Variants in SLC38A8 observed in about 807,000 individuals in gnomAD.
SLC38A8 encodes the protein solute carrier family 38 member 8.
A neutral mutation model predicts 46.0 loss-of-function variants in SLC38A8; 65 were observed. The observed-to-expected ratio is 1.41, with a 90% CI of 1.16 to 1.74. The LOEUF is 1.74. Among genes scored for constraint, SLC38A8 ranks in the 40% most tolerant of loss-of-function variants. The pLI, the probability that SLC38A8 is intolerant of heterozygous loss-of-function variation, is 0.00. For synonymous variants in SLC38A8, 447 were observed against 243.7 expected (o/e 1.83, Z -7.77); for missense variants, 998 against 567.9 (o/e 1.76, Z -7.70).
chr16:84,025,859 C>T (rs2085158114), intron 6 of SLC38A8, among the ~76,000 whole-genome samples: 1 of 152,250 alleles, frequency 6.6e-6, no homozygotes, highest in Non-Finnish European at 1.5e-5. Context: ...CGCACCCCTG[C>T]TCTCTGGCCC....
intron 7 of SLC38A8, among the ~76,000 whole-genome samples, chr16:84,021,125 C>A (rs960917871): frequency 2.0e-5 from 3 of 152,096 alleles, no homozygotes; most frequent in Non-Finnish European, 4.4e-5. Flanking sequence ...TGCAATGGTG[C>A]GATCTCAGCT....
chr16:84,017,353 C>A (rs2085042792), intron 7 of SLC38A8, 66 bp from the exon 8 acceptor site: 1 of 1,576,076 alleles, frequency 6.3e-7, no homozygotes, highest in Admixed American at 1.8e-5. Flanking sequence ...CCCCCACCAA[C>A]AGACAGACAG....
intron 5 of SLC38A8, 100 bp from the exon 6 acceptor site, chr16:84,029,651 C>T (rs562054823): frequency 5.2e-6 from 6 of 1,151,048 alleles, no homozygotes; most frequent in Non-Finnish European, 7.6e-6. Context: ...GAAAATGTAA[C>T]AGAGCATGGC....
intron 3 of SLC38A8, 24 bp downstream of exon 3, chr16:84,036,678 C>T (rs756438746): frequency 1.9e-6 from 3 of 1,613,270 alleles, no homozygotes; most frequent in African/African-American, 1.3e-5. Context: ...CCTGGGCCAC[C>T]CCGAGTCCCA....
intron 3 of SLC38A8, among the ~76,000 whole-genome samples, chr16:84,033,916 A>G (rs535101832): frequency 6.6e-6 from 1 of 151,608 alleles, no homozygotes; most frequent in African/African-American, 2.4e-5. Flanking sequence ...AGCAGAACAC[A>G]TGACCCCAAA....
intron 6 of SLC38A8, among the ~76,000 whole-genome samples, chr16:84,026,479 G>A (rs574437757): frequency 3.3e-5 from 5 of 152,290 alleles, no homozygotes; most frequent in South Asian, 2.1e-4. Context: ...CACCCGCCTC[G>A]GCCTCTTAAA....
At chr16:84,042,188 GCA>G (rs772453982) in intron 1 of SLC38A8, 29 bp from the exon 2 acceptor site, 29 of 1,583,868 alleles carry the variant, frequency 1.8e-5, no homozygotes, top group African/African-American at 6.8e-5. Context: ...TGGAGAGAAA[GCA>G]CAGTCTTCAC....
At chr16:84,030,967 C>A (rs2085231142) in intron 5 of SLC38A8, among the ~76,000 whole-genome samples, 1 of 152,202 alleles carries the variant, frequency 6.6e-6, no homozygotes, top group Non-Finnish European at 1.5e-5. Context: ...AGGCAGAGGC[C>A]TCCCACTTGG....
chr16:84,017,280 A>AT lies in SLC38A8; in HGVS notation c.812dup (p.Tyr271Ter). ...CTTCTGTCCCAAAAGTCAGGAAGCC[A>AT]TAAACCCCTGAAGGTGGGAAAGGAT... is the stretch of plus-strand genomic sequence containing the variant. ...CCLIYSLTGV[Y>*]GFLTFGTEVS... The change falls in exon 8 of 11, where the codon TAT becomes TAAT. Residue 271 changes from tyrosine to a stop codon, truncating the protein, a stop_gained and frameshift_variant. Transcript: ENST00000299709. LOFTEE classifies it high-confidence loss of function. 5 of 1,614,112 alleles carry AT rather than the reference A, an allele frequency of 3.1e-6. No homozygotes were observed. The highest frequency in any genetic ancestry group is 4.2e-6 in the Non-Finnish European group (5 of 1,180,032).
intron 2 of SLC38A8, chr16:84,039,772 A>AGGGGAAGGTGTGGG (rs1246889407): frequency 7.1e-5 from 5 of 70,914 alleles, no homozygotes; most frequent in Admixed American, 1.4e-4. Flanking sequence ...AAAAAAAGGC[A>AGGGGAAGGTGTGGG]GGGGAAGGTG....
intron 6 of SLC38A8, among the ~76,000 whole-genome samples, chr16:84,027,343 G>A (rs938509468): frequency 6.6e-6 from 1 of 151,080 alleles, no homozygotes; most frequent in East Asian, 1.9e-4. Context: ...GAGCAAGTCT[G>A]CCACAAAAGC....
chr16:84,023,056 C>T (rs11861366), intron 6 of SLC38A8, among the ~76,000 whole-genome samples, 167 bp from the exon 7 acceptor site: 34,140 of 152,066 alleles, frequency 0.22, 4,110 homozygotes, highest in African/African-American at 0.3. Flanking sequence ...CCCAACCCCT[C>T]TTTCCTTTTC....
At chr16:84,029,944 C>T (rs2085218667) in intron 5 of SLC38A8, among the ~76,000 whole-genome samples, 1 of 152,202 alleles carries the variant, frequency 6.6e-6, no homozygotes, top group Non-Finnish European at 1.5e-5. Context: ...GAGCTCTGTC[C>T]AAGCCACCTA....
chr16:84,024,269 G>C (rs931517741), intron 6 of SLC38A8, among the ~76,000 whole-genome samples: 4 of 152,176 alleles, frequency 2.6e-5, no homozygotes, highest in Non-Finnish European at 4.4e-5. Flanking sequence ...GGGGTTCCCG[G>C]GGGCTTGACC....
intron 6 of SLC38A8, among the ~76,000 whole-genome samples, chr16:84,024,586 G>C (rs2085138998): frequency 6.6e-6 from 1 of 151,958 alleles, no homozygotes; most frequent in African/African-American, 2.4e-5. Flanking sequence ...TTCGAGACCA[G>C]CCTGGCCAAC....
chr16:84,019,529 G>A (rs1009524801), intron 7 of SLC38A8, among the ~76,000 whole-genome samples: 7 of 152,180 alleles, frequency 4.6e-5, no homozygotes, highest in African/African-American at 1.7e-4. Flanking sequence ...CTGCCATACT[G>A]GCAATTTAAT....
intron 6 of SLC38A8, among the ~76,000 whole-genome samples, chr16:84,028,966 C>G (rs935281026): frequency 7.2e-5 from 11 of 152,162 alleles, no homozygotes; most frequent in Non-Finnish European, 7.4e-5. Flanking sequence ...CCATGACATT[C>G]TATTAAAAAT....
At chr16:84,031,118 G>A (rs1597270506) in intron 5 of SLC38A8, among the ~76,000 whole-genome samples, 1 of 152,050 alleles carries the variant, frequency 6.6e-6, no homozygotes, top group Admixed American at 6.6e-5. Flanking sequence ...TCGGCTCACT[G>A]CAACCTCTGC....
intron 10 of SLC38A8, among the ~76,000 whole-genome samples, chr16:84,011,970 A>T (rs2084959486): frequency 6.6e-6 from 1 of 152,188 alleles, no homozygotes; most frequent in Admixed American, 6.5e-5. Context: ...CAGAGACTGG[A>T]GTGATGTAGC....
Sources: allele counts gnomAD v4.1 joint callset (sites outside exome capture counted in the v4.1 genomes callset), GRCh38; gene constraint gnomAD v4.1.1; transcripts MANE v1.5; gene names NCBI Gene and HGNC (gene_info 2026-07-23, HGNC 2026-07-21).